CHRM3: variants seen among roughly 807,000 people sequenced by gnomAD.
CHRM3 encodes the protein muscarinic acetylcholine receptor M3.
In CHRM3, 11 loss-of-function variants were observed where a neutral mutation model predicts 41.8. The observed-to-expected ratio is 0.26, with a 90% CI of 0.17 to 0.44. The LOEUF is 0.44. Among genes scored for constraint, CHRM3 ranks in the 20% least tolerant of loss-of-function variants. The pLI is 1.00. For missense variants in CHRM3, 571 were observed against 745.4 expected, an observed-to-expected ratio of 0.77 and a Z score of 2.72; for synonymous variants, 297 against 301.4, an observed-to-expected ratio of 0.99 and a Z score of 0.15.
intron 5 of CHRM3, among the ~76,000 whole-genome samples, chr1:239,766,336 A>G (rs913301264): frequency 2.1e-4 from 32 of 152,206 alleles, no homozygotes; most frequent in African/African-American, 7.7e-4. Context: ...TTGGAATCTA[A>G]GATAGATAAC....
At chr1:239,482,890 G>A (rs529422038) in intron 1 of CHRM3, among the ~76,000 whole-genome samples, 30 of 152,190 alleles carry the variant, frequency 2.0e-4, no homozygotes, top group African/African-American at 6.3e-4. Context: ...TAAATGCCTC[G>A]GAAATTTTGA....
intron 5 of CHRM3, among the ~76,000 whole-genome samples, chr1:239,786,518 G>A (rs1668908662): frequency 6.6e-6 from 1 of 152,216 alleles, no homozygotes; most frequent in Non-Finnish European, 1.5e-5. Context: ...TAGGAGAGGA[G>A]TCTGGTGGTA....
intron 6 of CHRM3, among the ~76,000 whole-genome samples, chr1:239,874,780 C>A: frequency 6.6e-6 from 1 of 151,876 alleles, no homozygotes; most frequent in Middle Eastern, 3.4e-3. Context: ...CTCGCTGCAA[C>A]CTCCACCTCC....
At chr1:239,786,674 G>T (rs1035113316) in intron 5 of CHRM3, among the ~76,000 whole-genome samples, 4 of 152,212 alleles carry the variant, frequency 2.6e-5, no homozygotes, top group Non-Finnish European at 4.4e-5. Flanking sequence ...GAGGAATGCC[G>T]CATCTCACAC....
intron 3 of CHRM3, among the ~76,000 whole-genome samples, chr1:239,551,731 A>G (rs1256536557): frequency 6.6e-6 from 1 of 152,180 alleles, no homozygotes; most frequent in African/African-American, 2.4e-5. Flanking sequence ...GCTGTAGACC[A>G]ATTGTATACA....
chr1:239,787,744 C>A (rs1322661747), intron 5 of CHRM3, among the ~76,000 whole-genome samples: 2 of 152,148 alleles, frequency 1.3e-5, no homozygotes, highest in Non-Finnish European at 2.9e-5. Context: ...ACAGCCCTGT[C>A]ATTTACAAGT....
At chr1:239,716,260 G>A (rs1662354472) in intron 5 of CHRM3, among the ~76,000 whole-genome samples, 1 of 152,108 alleles carries the variant, frequency 6.6e-6, no homozygotes, top group Non-Finnish European at 1.5e-5. Flanking sequence ...AACTGATGGA[G>A]TGGAAATACA....
intron 4 of CHRM3, among the ~76,000 whole-genome samples, chr1:239,651,017 T>C (rs1322265117): frequency 6.6e-6 from 1 of 152,204 alleles, no homozygotes; most frequent in Non-Finnish European, 1.5e-5. Context: ...GATTTCTGAA[T>C]GGAATCATAA....
intron 2 of CHRM3, among the ~76,000 whole-genome samples, chr1:239,539,978 A>G (rs10754672): frequency 0.65 from 98,262 of 152,076 alleles, 37,529 homozygotes; most frequent in Non-Finnish European, 0.83. Flanking sequence ...GATGTTTCCT[A>G]TTGTGTTACA....
intron 5 of CHRM3, among the ~76,000 whole-genome samples, chr1:239,746,298 G>A (rs1430106408): frequency 6.6e-6 from 1 of 152,098 alleles, no homozygotes; most frequent in Non-Finnish European, 1.5e-5. Context: ...TATTTCTTGC[G>A]CATTTGTTCT....
At chr1:239,517,432 C>T (rs749730564) in intron 2 of CHRM3, among the ~76,000 whole-genome samples, 31 of 152,240 alleles carry the variant, frequency 2.0e-4, no homozygotes, top group Non-Finnish European at 4.1e-4. Flanking sequence ...TCTCAAACCT[C>T]ACTTTCCCAT....
intron 1 of CHRM3, among the ~76,000 whole-genome samples, chr1:239,418,830 T>C (rs1243254547): frequency 6.6e-6 from 1 of 152,168 alleles, no homozygotes; most frequent in Admixed American, 6.5e-5. Flanking sequence ...GAATGGTTGG[T>C]TCCCTCATCT....
chr1:239,424,962 G>A (rs963665434), intron 1 of CHRM3, among the ~76,000 whole-genome samples: 15 of 152,168 alleles, frequency 9.9e-5, no homozygotes, highest in African/African-American at 3.6e-4. Flanking sequence ...GCTCATGCTG[G>A]GTGCAGAGTG....
At chr1:239,661,854 A>G (rs893106668) in intron 4 of CHRM3, among the ~76,000 whole-genome samples, 6 of 152,182 alleles carry the variant, frequency 3.9e-5, no homozygotes, top group Admixed American at 3.9e-4. Flanking sequence ...TTGTTATAAC[A>G]AATATGCTAC....
chr1:239,578,730 G>A (rs1662597056), intron 3 of CHRM3, among the ~76,000 whole-genome samples: 1 of 152,058 alleles, frequency 6.6e-6, no homozygotes, highest in Non-Finnish European at 1.5e-5. Flanking sequence ...TTGAACGAAT[G>A]TCAAAATCAC....
At chr1:239,565,569 G>T (rs1164852106) in intron 3 of CHRM3, among the ~76,000 whole-genome samples, 1 of 152,068 alleles carries the variant, frequency 6.6e-6, no homozygotes, top group African/African-American at 2.4e-5. Context: ...GGCAAAAATA[G>T]ATTTCTTTTA....
At chr1:239,403,964 G>A (rs1227507328) in intron 1 of CHRM3, among the ~76,000 whole-genome samples, 3 of 78,838 alleles carry the variant, frequency 3.8e-5, no homozygotes, top group Non-Finnish European at 5.2e-5. Flanking sequence ...AGGGAGGGAG[G>A]GAGAGGGAGG....
intron 6 of CHRM3, among the ~76,000 whole-genome samples, chr1:239,892,443 T>C (rs1354332716): frequency 6.6e-6 from 1 of 152,244 alleles, no homozygotes; most frequent in Non-Finnish European, 1.5e-5. Flanking sequence ...AATCTGAACA[T>C]GACCTTGGAG....
chr1:239,683,480 T>A (rs1658768830), intron 5 of CHRM3, among the ~76,000 whole-genome samples: 1 of 152,244 alleles, frequency 6.6e-6, no homozygotes, highest in South Asian at 2.1e-4. Flanking sequence ...TCATCTAGAT[T>A]TTATTCAGGC....
Sources: gnomAD v4.1 joint callset for allele counts (sites outside exome capture counted in the v4.1 genomes callset) on GRCh38, gnomAD v4.1.1 for gene constraint, MANE v1.5 for transcripts, NCBI Gene and HGNC (gene_info 2026-07-23, HGNC 2026-07-21) for gene names.